COG1: variants seen among roughly 807,000 people sequenced by gnomAD.
COG1 encodes the protein component of oligomeric golgi complex 1.
COG1 carries 61 observed loss-of-function variants against 102.2 expected under a neutral mutation model. The observed-to-expected ratio is 0.60, with a 90% CI of 0.49 to 0.74. COG1 has a LOEUF of 0.74. COG1 is among the 30% of genes least tolerant of loss of function. The probability of loss-of-function intolerance (pLI) is 0.00; values close to 1 mark genes in which losing one functional copy is unlikely to be tolerated. For missense variants in COG1, 1,164 were observed against 1,232.1 expected (o/e 0.94, Z 0.83); for synonymous variants, 454 against 493.6 (o/e 0.92, Z 1.06).
At chr17:73,202,054 T>C (rs762824116) in intron 7 of COG1, among the ~76,000 whole-genome samples, 154 bp downstream of exon 7, 17 of 152,184 alleles carry the variant, frequency 1.1e-4, no homozygotes, top group Non-Finnish European at 2.4e-4. Context: ...AAAAACTTTT[T>C]TGGCCGGGCG....
rs558305282 is a variant in COG1, at chr17:73,193,427, C to A, written c.315+43C>A. On this transcript the variant is annotated intron_variant, in intron 1 of 13. Coordinates refer to ENST00000299886, the MANE Select transcript of COG1 (RefSeq NM_018714.3). ...CACCCTGCGACCCGCAGGCGGGTCC[C>A]GGAGCCCCTGGCCTTGCAGGTCAAC... 3.3e-5 allele frequency: 46 copies of A among 1,385,334 alleles called. No individual in the cohort carries two copies. The East Asian group carries it at 1.2e-3, about 35-fold the overall frequency. The allele number at this position is 1,385,334 out of a possible 1,614,324, so 85.8% of individuals were successfully genotyped here.
At chr17:73,194,022 G>A (rs1209574349) in intron 1 of COG1, among the ~76,000 whole-genome samples, 1 of 152,080 alleles carries the variant, frequency 6.6e-6, no homozygotes, top group Admixed American at 6.6e-5. Flanking sequence ...CAGAACTAAG[G>A]CTTTTTTCAT....
chr17:73,205,250 C>T (rs539998774), intron 9 of COG1: 1 of 383,078 alleles, frequency 2.6e-6, no homozygotes, highest in African/African-American at 2.1e-5. Context: ...CTCTAATGAG[C>T]CTCCTCAAAA....
chr17:73,193,682 G>T (rs965612430), intron 1 of COG1, among the ~76,000 whole-genome samples: 13 of 152,170 alleles, frequency 8.5e-5, no homozygotes, highest in African/African-American at 3.1e-4. Flanking sequence ...CAATTTTAGC[G>T]GAAAACGCCA....
At chr17:73,199,779 G>A in intron 4 of COG1, 86 bp from the exon 5 acceptor site, 1 of 1,531,548 alleles carries the variant, frequency 6.5e-7, no homozygotes, top group Non-Finnish European at 9.0e-7. Flanking sequence ...TCACTGTGTT[G>A]CCCAAGCTGG....
chr17:73,196,108 C>T (rs1203461214), intron 1 of COG1, among the ~76,000 whole-genome samples: 1 of 152,162 alleles, frequency 6.6e-6, no homozygotes. Flanking sequence ...CTTGCTGTAT[C>T]CTCACGTGGG....
At chr17:73,206,663 T>G in intron 11 of COG1, 45 bp from the exon 12 acceptor site, 1 of 1,309,506 alleles carries the variant, frequency 7.6e-7, no homozygotes, top group Non-Finnish European at 1.1e-6. Flanking sequence ...TTTGCCTTTC[T>G]TTTACCTGCA....
chr17:73,207,308 C>T (rs746780000), intron 13 of COG1, 52 bp downstream of exon 13: 18 of 1,503,292 alleles, frequency 1.2e-5, no homozygotes, highest in Middle Eastern at 1.7e-4. Flanking sequence ...CACCTCCCAC[C>T]GAGCCACCCA....
Position 73,193,206 on chromosome 17 carries a change from A to T in COG1, c.137A>T (p.Glu46Val). The T allele has an allele frequency of 6.2e-7, 1 of 1,609,050 alleles. No homozygotes were observed. The highest frequency in any genetic ancestry group is 8.5e-7 in the Non-Finnish European group (1 of 1,178,212). The change falls in exon 1 of 14, where the codon GAG becomes GTG. Residue 46 changes from glutamate to valine, a missense_variant. Physicochemically the swap from Glu to Val is moderately radical, Grantham distance 121 (BLOSUM62 -2). Coordinates refer to ENST00000299886, the MANE Select transcript of COG1 (RefSeq NM_018714.3). ...QVRAEIEHKK[E>V]ELRQMVGERY... ...CGGGCCGAGATCGAGCACAAGAAGG[A>T]GGAGCTGCGGCAGATGGTGGGCGAA...
At chr17:73,198,734 A>C (rs2061335006) in intron 4 of COG1, among the ~76,000 whole-genome samples, 1 of 152,160 alleles carries the variant, frequency 6.6e-6, no homozygotes, top group East Asian at 1.9e-4. Context: ...TGTGGCTGTT[A>C]TTTCAAGCTG....
chr17:73,203,508 G>A (rs1224644506), intron 8 of COG1, 124 bp from the exon 9 acceptor site: 1 of 1,169,810 alleles, frequency 8.5e-7, no homozygotes, highest in African/African-American at 1.5e-5. Flanking sequence ...CTGCCTGTAA[G>A]AAGCGTTGCT....
In COG1 at chr17:73,206,770, C is replaced by T. The variant is rs781686684; in HGVS notation, c.2682C>T (p.Asn894=). 2.2e-5 allele frequency: 36 copies of T among 1,613,360 alleles called. No homozygotes were observed. Among genetic ancestry groups the T allele is most frequent in the East Asian group, 1.6e-4 (7 of 44,810 alleles). ...TCGCCCCCCGGAGCAGTACGTTCAA[C>T]TCCCAAGAACCCCATAACATCCTGC... ...NQLAPRSSTF[N]SQEPHNILPL... Residue 894 remains asparagine (N), a synonymous_variant, in exon 12 of 14, where the codon AAC becomes AAT. Transcript: ENST00000299886.
At chr17:73,194,611 C>CT (rs2061318348) in intron 1 of COG1, among the ~76,000 whole-genome samples, 1 of 151,942 alleles carries the variant, frequency 6.6e-6, no homozygotes, top group African/African-American at 2.4e-5. Flanking sequence ...TTACAGGCAC[C>CT]TGCCACCATG....
intron 10 of COG1, 175 bp downstream of exon 10, chr17:73,205,855 C>A: frequency 1.2e-6 from 1 of 837,212 alleles, no homozygotes; most frequent in Non-Finnish European, 2.0e-6. Flanking sequence ...TGGATAAATG[C>A]AATGGTCAAG....
intron 11 of COG1, 33 bp from the exon 12 acceptor site, chr17:73,206,675 A>G (rs1228755466): frequency 1.4e-6 from 2 of 1,418,364 alleles, no homozygotes; most frequent in Non-Finnish European, 2.0e-6. Flanking sequence ...TTACCTGCAC[A>G]ATGAAACCTC....
In COG1 at chr17:73,206,095, A is replaced by G. The variant is rs1415784924; in HGVS notation, c.2511-59A>G. On this transcript the variant is annotated intron_variant, in intron 10 of 13. Transcript: ENST00000299886. ...AAGATTTCTACAGCAGTAGGATATC[A>G]TAAGATTGTTTTTGATCCTAAAAAA... The G allele has an allele frequency of 1.3e-5, 18 of 1,335,228 alleles. No individual in the cohort carries two copies. The Middle Eastern group carries it at 5.4e-4, about 40-fold the overall frequency. 82.7% of individuals were successfully genotyped at this position (1,335,228 alleles called of 1,614,324 possible).
chr17:73,203,549 T>G (rs1390578563), intron 8 of COG1, 83 bp from the exon 9 acceptor site: 1 of 1,545,160 alleles, frequency 6.5e-7, no homozygotes, highest in African/African-American at 1.4e-5. Flanking sequence ...CACATAGGCC[T>G]TGTAAGATTA....
At chr17:73,207,116 G>GAAAAAAAAAAAAA in intron 12 of COG1, 65 bp from the exon 13 acceptor site, 1 of 837,728 alleles carries the variant, frequency 1.2e-6, no homozygotes, top group African/African-American at 2.5e-5. Context: ...AAAAAAAAAT[G>GAAAAAAAAAAAAA]AGGCTTCTGC....
rs368280824 is a variant in COG1 at position 73,206,291 on chromosome 17, C to A, written c.2619+29C>A. 1.3e-4 allele frequency: 193 copies of A among 1,528,080 alleles called. No individual in the cohort carries two copies. The highest frequency in any genetic ancestry group is 1.6e-4 in the Non-Finnish European group (181 of 1,101,854). The allele number at this position is 1,528,080 out of a possible 1,614,324, so 94.7% of individuals were successfully genotyped here. ...AGTCAAATCAAAAACATGCTTAGTG[C>A]GAACGAAGCGATACAGGCTCAAATA... On this transcript the variant is annotated intron_variant, in intron 11 of 13. Coordinates refer to ENST00000299886, the MANE Select transcript of COG1 (RefSeq NM_018714.3).
Sources: allele counts gnomAD v4.1 joint callset (sites outside exome capture counted in the v4.1 genomes callset), GRCh38; gene constraint gnomAD v4.1.1; transcripts MANE v1.5; gene names NCBI Gene and HGNC (gene_info 2026-07-23, HGNC 2026-07-21).